Variants in EPB41L2 observed in about 807,000 individuals in gnomAD.
EPB41L2 encodes band 4.1-like protein 2.
Under a neutral mutation model 113.0 loss-of-function variants are expected in EPB41L2, and 43 were observed. That is an observed-to-expected ratio of 0.38 (90% CI 0.30 to 0.49). EPB41L2 has a LOEUF of 0.49. Ranked by LOEUF, EPB41L2 falls within the 20% of genes least tolerant of loss-of-function variation. The probability of loss-of-function intolerance (pLI) is 0.95; values close to 1 mark genes in which losing one functional copy is unlikely to be tolerated. For missense variants in EPB41L2, 1,147 were observed against 1,223.4 expected, an observed-to-expected ratio of 0.94 and a Z score of 0.93; for synonymous variants, 442 against 436.7, an observed-to-expected ratio of 1.01 and a Z score of -0.15.
intron 17 of EPB41L2, among the ~76,000 whole-genome samples, chr6:130,864,522 G>A (rs982371964): frequency 3.3e-5 from 5 of 152,162 alleles, no homozygotes; most frequent in African/African-American, 7.2e-5. Context: ...GCGAGTGCCT[G>A]GGGCACACTG....
intron 13 of EPB41L2, among the ~76,000 whole-genome samples, chr6:130,879,879 C>G (rs772850909): frequency 6.6e-6 from 1 of 152,184 alleles, no homozygotes; most frequent in Non-Finnish European, 1.5e-5. Flanking sequence ...AGAACAACTT[C>G]AAGAGTACTG....
intron 14 of EPB41L2, among the ~76,000 whole-genome samples, chr6:130,876,187 T>C (rs1281503478): frequency 6.6e-6 from 1 of 152,146 alleles, no homozygotes; most frequent in Non-Finnish European, 1.5e-5. Flanking sequence ...ATGTCACACA[T>C]GCAGGAGCAG....
intron 18 of EPB41L2, among the ~76,000 whole-genome samples, chr6:130,862,824 C>CTCA (rs1441303119): frequency 1.3e-5 from 2 of 152,208 alleles, no homozygotes; most frequent in Non-Finnish European, 2.9e-5. Context: ...CTTTCCTGAG[C>CTCA]TCAGTATTGT....
chr6:130,858,035 A>G (rs548906615), intron 19 of EPB41L2, 96 bp downstream of exon 19: 12 of 949,176 alleles, frequency 1.3e-5, no homozygotes, highest in Non-Finnish European at 2.1e-5. Context: ...CTATAGGAAG[A>G]AGACACTGAT....
At chr6:130,966,327 G>GC (rs1775171031) in intron 1 of EPB41L2, among the ~76,000 whole-genome samples, 1 of 152,110 alleles carries the variant, frequency 6.6e-6, no homozygotes. Context: ...AAAGGCTGCC[G>GC]CCCCACTTGG....
intron 10 of EPB41L2, 89 bp from the exon 11 acceptor site, chr6:130,890,555 T>C: frequency 7.1e-7 from 1 of 1,401,330 alleles, no homozygotes; most frequent in South Asian, 1.5e-5. Context: ...TTTAAAGCTA[T>C]GTACTTTCAT....
intron 3 of EPB41L2, among the ~76,000 whole-genome samples, chr6:130,952,461 T>G (rs914060566): frequency 6.6e-6 from 1 of 151,886 alleles, no homozygotes; most frequent in African/African-American, 2.4e-5. Context: ...TAGATTTATA[T>G]ATCACAAAAA....
intron 4 of EPB41L2, among the ~76,000 whole-genome samples, chr6:130,913,369 C>G (rs1237945107): frequency 6.6e-6 from 1 of 152,178 alleles, no homozygotes; most frequent in Non-Finnish European, 1.5e-5. Flanking sequence ...TTCCTCACCG[C>G]GTTTTCCCTT....
chr6:130,890,520 A>G, intron 10 of EPB41L2, 54 bp from the exon 11 acceptor site: 1 of 1,542,554 alleles, frequency 6.5e-7, no homozygotes, highest in Non-Finnish European at 8.7e-7. Flanking sequence ...GCAAAATTAG[A>G]CTTTACGGAA....
In EPB41L2 at chr6:130,839,783, C is replaced by A. The variant is rs1774972474; in HGVS notation, c.*821G>T. 6.6e-6 allele frequency: 1 copy of A among 152,216 alleles called. No homozygotes were observed. Among genetic ancestry groups the A allele is most frequent in the East Asian group, 1.9e-4 (1 of 5,194 alleles). 9.4% of individuals were successfully genotyped at this position (152,216 alleles called of 1,614,324 possible). On this transcript the variant is annotated 3_prime_UTR_variant, in exon 20 of 20. Coordinates refer to ENST00000337057, the MANE Select transcript of EPB41L2 (RefSeq NM_001431.4). The stretch of plus-strand genomic sequence containing the variant: ...CACTAAGGTTTTAAGCTGCCTGAAT[C>A]TTTTAGTAGAAGGGAAGAAAGTTTT...
intron 4 of EPB41L2, among the ~76,000 whole-genome samples, chr6:130,925,558 C>T (rs902362525): frequency 5.9e-5 from 9 of 152,140 alleles, no homozygotes; most frequent in African/African-American, 1.7e-4. Flanking sequence ...GTACAACATA[C>T]TGAATTGTCC....
chr6:130,881,738 C>T lies in EPB41L2; in HGVS notation c.1834-1532G>A, dbSNP rs558868899. On this transcript the variant is annotated intron_variant, in intron 12 of 19. Transcript: ENST00000337057. ...ACACCTAATTTTAAATAAAGGAGCA[C>T]TATGAGGCCCAATCTTAGTGTTATA... is the stretch of plus-strand genomic sequence containing the variant. 2.6e-5 allele frequency: 4 copies of T among 152,130 alleles called. No individual in the cohort carries two copies. In the East Asian group the frequency reaches 5.8e-4, roughly 22 times the overall value. The allele number at this position is 152,130 out of a possible 1,614,324, so 9.4% of individuals were successfully genotyped here. A position where few individuals can be genotyped will look rare whatever the true frequency, so the allele number is the denominator to read the frequency against.
chr6:130,971,504 A>T (rs1032882328), intron 1 of EPB41L2, among the ~76,000 whole-genome samples: 1 of 152,248 alleles, frequency 6.6e-6, no homozygotes, highest in African/African-American at 2.4e-5. Flanking sequence ...GCACTGTGAT[A>T]TCACGATAGT....
chr6:130,991,957 T>C (rs1388626906), intron 1 of EPB41L2, among the ~76,000 whole-genome samples: 1 of 152,030 alleles, frequency 6.6e-6, no homozygotes, highest in Non-Finnish European at 1.5e-5. Context: ...GAAAAGTACT[T>C]GGATAGAAAT....
chr6:130,975,017 G>A (rs1311359120), intron 1 of EPB41L2, among the ~76,000 whole-genome samples: 2 of 152,092 alleles, frequency 1.3e-5, no homozygotes, highest in South Asian at 2.1e-4. Context: ...GATAAGTCAA[G>A]TGAACCCAGA....
intron 3 of EPB41L2, 120 bp from the exon 4 acceptor site, chr6:130,926,829 C>G: frequency 1.6e-6 from 1 of 642,184 alleles, no homozygotes; most frequent in East Asian, 3.0e-5. Flanking sequence ...TTTGTTTTCT[C>G]ATTTTCTAAC....
chr6:130,954,032 TTTTC>T lies in EPB41L2; in HGVS notation c.705+1069_705+1072del, dbSNP rs368152825. ...ATTTTTAATCCTCTTTTGCTAGTCC[TTTTC>T]TTTCTTTTTTTTTTTTTTTTTTTTT... On this transcript the variant is annotated intron_variant, in intron 3 of 19. Transcript: ENST00000337057. Among the ~76,000 whole-genome samples the T allele has an allele frequency of 1.4e-3, 140 of 96,562 alleles. 7 individuals carry two copies. Among genetic ancestry groups the T allele is most frequent in the African/African-American group, 5.2e-3 (134 of 25,696 alleles). 63.3% of individuals were successfully genotyped at this position (96,562 alleles called of 152,430 possible).
chr6:130,991,017 G>C (rs139482517), intron 1 of EPB41L2, among the ~76,000 whole-genome samples: 1 of 151,934 alleles, frequency 6.6e-6, no homozygotes, highest in Non-Finnish European at 1.5e-5. Flanking sequence ...TTTTAGTAGA[G>C]ACGGAGTTTC....
chr6:130,937,821 G>GAAAAAAAGAAAA (rs1809374910), intron 3 of EPB41L2, among the ~76,000 whole-genome samples: 2 of 129,818 alleles, frequency 1.5e-5, no homozygotes, highest in African/African-American at 6.8e-5. Context: ...ATCTCAAAAA[G>GAAAAAAAGAAAA]AAAAAAAAAA....
Sources: gnomAD v4.1 joint callset for allele counts (sites outside exome capture counted in the v4.1 genomes callset) on GRCh38, gnomAD v4.1.1 for gene constraint, MANE v1.5 for transcripts, NCBI Gene and HGNC (gene_info 2026-07-23, HGNC 2026-07-21) for gene names.